The following SYNE2 variants were observed in gnomAD, a reference collection of about 807,000 sequenced individuals.
SYNE2 encodes the protein spectrin repeat containing nuclear envelope protein 2.
Under a neutral mutation model 856.3 loss-of-function variants are expected in SYNE2, and 431 were observed. The ratio of observed to expected loss-of-function variants is 0.50; its 90% CI spans 0.47 to 0.55. The LOEUF (loss-of-function observed/expected upper bound fraction) is 0.55. Ranked by LOEUF, SYNE2 falls within the 20% of genes least tolerant of loss-of-function variation. The pLI is 0.00. For synonymous variants in SYNE2, 2,923 were observed against 2,872.3 expected (o/e 1.02, Z -0.56); for missense variants, 8,129 against 8,023.2 (o/e 1.01, Z -0.50).
rs753694030 is a variant in SYNE2, at chr14:64,167,258, A to C, written c.16631A>C (p.Gln5544Pro). The change falls in exon 91 of 116, where the codon CAA becomes CCA. Residue 5544 changes from glutamine to proline, a missense_variant. Physicochemically the swap from Gln to Pro is moderately conservative, Grantham distance 76. Coordinates refer to ENST00000555002, the MANE Select transcript of SYNE2 (RefSeq NM_182914.3). The part of the protein sequence containing the change: ...FLNHVLALTA[Q>P]SPDIEHLNEV... Reference sequence around the variant, plus strand: ...AATCATGTGCTGGCACTGACAGCCCAATCACCTGATATTGAACATTTGAAT... The same window carrying C: ...AATCATGTGCTGGCACTGACAGCCCCATCACCTGATATTGAACATTTGAAT... The C allele has an allele frequency of 1.2e-5, 19 of 1,614,120 alleles. No individual in the cohort carries two copies. The highest frequency in any genetic ancestry group is 1.4e-5 in the Non-Finnish European group (17 of 1,180,050).
intron 11 of SYNE2, among the ~76,000 whole-genome samples, chr14:63,973,818 C>A (rs2096503245): frequency 6.6e-6 from 1 of 152,110 alleles, no homozygotes. Flanking sequence ...TTTTGTATAC[C>A]TGGGTACTTG....
At chr14:63,891,949 C>T (rs2095142249) in intron 1 of SYNE2, among the ~76,000 whole-genome samples, 2 of 152,112 alleles carry the variant, frequency 1.3e-5, no homozygotes, top group East Asian at 3.9e-4. Flanking sequence ...TGAAAGCATC[C>T]CTGCAGCTGC....
intron 2 of SYNE2, among the ~76,000 whole-genome samples, chr14:63,923,433 A>G (rs779506452): frequency 1.3e-5 from 2 of 152,264 alleles, no homozygotes; most frequent in Non-Finnish European, 2.9e-5. Context: ...CAACAAACTA[A>G]GTACTTAAAT....
At chr14:64,086,193 G>A (rs10145173) in intron 57 of SYNE2, among the ~76,000 whole-genome samples, 15,941 of 152,214 alleles carry the variant, frequency 0.1, 982 homozygotes, top group African/African-American at 0.17. Context: ...TGCATAAGGT[G>A]TGATTGAAGG....
In SYNE2 at chr14:63,853,078, C is replaced by T. The variant is rs917118389; in HGVS notation, c.-117C>T. The T allele has an allele frequency of 2.0e-5, 3 of 151,794 alleles. No homozygotes were observed. Among genetic ancestry groups the T allele is most frequent in the Admixed American group, 6.6e-5 (1 of 15,224 alleles). 9.4% of individuals were successfully genotyped at this position (151,794 alleles called of 1,614,324 possible). A position where few individuals can be genotyped will look rare whatever the true frequency, so the allele number is the denominator to read the frequency against. Reference sequence around the variant, plus strand: ...GAGCAAAAGGCGCGATCCAGAGAGCCAGGCAAGCGGGGCGCCGACCTCGGG... The same window carrying T: ...GAGCAAAAGGCGCGATCCAGAGAGCTAGGCAAGCGGGGCGCCGACCTCGGG... On this transcript the variant is annotated 5_prime_UTR_variant, in exon 1 of 116. Transcript: ENST00000555002.
intron 94 of SYNE2, among the ~76,000 whole-genome samples, chr14:64,171,024 G>A (rs2098408033): frequency 6.6e-6 from 1 of 152,168 alleles, no homozygotes; most frequent in Admixed American, 6.5e-5. Context: ...CGTTCTCCAT[G>A]ATGTGCTTAT....
chr14:64,089,657 A>T lies in SYNE2; in HGVS notation c.11754A>T (p.Ile3918=). 1 of 1,599,732 alleles carries T rather than the reference A, an allele frequency of 6.3e-7. No homozygotes were observed. The highest frequency in any genetic ancestry group is 1.1e-5 in the South Asian group (1 of 90,714). The change falls in exon 59 of 116, where the codon ATA becomes ATT. Residue 3918 remains isoleucine, a synonymous_variant. Transcript: ENST00000555002. ...AAACTATCCTATTATCAAAAGAAAT[A>T]TTTGATTTTTCACCTGAAGAACATC... is the stretch of plus-strand genomic sequence containing the variant. ...KIKTILLSKE[I]FDFSPEEHLK...
intron 1 of SYNE2, among the ~76,000 whole-genome samples, chr14:63,901,702 T>C (rs1434979729): frequency 6.6e-6 from 1 of 152,214 alleles, no homozygotes; most frequent in Non-Finnish European, 1.5e-5. Context: ...GGCAGGAGGA[T>C]GGCTTCAGTT....
At chr14:63,849,684 A>G (rs1469396872), upstream of SYNE2, among the ~76,000 whole-genome samples, 1 of 152,200 alleles carries the variant, frequency 6.6e-6, no homozygotes, top group African/African-American at 2.4e-5. Flanking sequence ...GGGATGCAGA[A>G]ATATAAATAG....
intron 103 of SYNE2, 24 bp downstream of exon 103, chr14:64,210,148 G>C (rs200351599): frequency 6.2e-7 from 1 of 1,610,878 alleles, no homozygotes; most frequent in South Asian, 1.1e-5. Flanking sequence ...CACCTGGCTC[G>C]GGTGTAGATT....
intron 96 of SYNE2, among the ~76,000 whole-genome samples, chr14:64,183,407 G>A (rs1420837093): frequency 2.0e-5 from 3 of 151,984 alleles, no homozygotes; most frequent in Non-Finnish European, 2.9e-5. Flanking sequence ...TGGCAGCCAG[G>A]AAGAGGCGCT....
intron 1 of SYNE2, among the ~76,000 whole-genome samples, chr14:63,841,872 G>A (rs1466468067): frequency 5.2e-5 from 6 of 114,682 alleles, no homozygotes; most frequent in South Asian, 5.4e-4. Flanking sequence ...TCATTCTGTC[G>A]CCCAGGCTGG....
In SYNE2 at chr14:63,990,461, A is replaced by G; in HGVS notation, c.2364A>G (p.Glu788=). The part of the protein sequence containing the change: ...SMFDELMARS[E]DMLQMDIQNI... ...TTGATGAGCTTATGGCAAGAAGTGA[A>G]GATATGTTACAAATGGATATACAAA... Residue 788 remains glutamate (E), a synonymous_variant, in exon 20 of 116, where the codon GAA becomes GAG. Transcript: ENST00000555002. 6.2e-7 allele frequency: 1 copy of G among 1,613,728 alleles called. No homozygotes were observed.
chr14:64,053,602 T>G lies in SYNE2; in HGVS notation c.9689T>G (p.Leu3230Arg). 1 of 1,613,322 alleles carries G rather than the reference T, an allele frequency of 6.2e-7. No homozygotes were observed. The highest frequency in any genetic ancestry group is 1.1e-5 in the South Asian group (1 of 90,682). Residue 3230 changes from leucine to arginine, a missense_variant, in exon 48 of 116, where the codon CTA (leucine) becomes CGA (arginine). This residue lies in a region of SYNE2 where 5,410 missense variants were observed against 5,284.8 expected (regional missense o/e 1.02). Transcript: ENST00000555002. ...GAAGCGAGTGATGTGGAGACAAAAC[T>G]ACGTGAGTTTGAAGATCTTCAGATG... is the stretch of plus-strand genomic sequence containing the variant. ...SSEASDVETK[L>R]REFEDLQMQL...
chr14:63,864,158 G>A (rs554315248), intron 1 of SYNE2, among the ~76,000 whole-genome samples: 25 of 152,262 alleles, frequency 1.6e-4, no homozygotes, highest in Admixed American at 1.2e-3. Flanking sequence ...AAAGAAAATA[G>A]GTTACTAAGC....
chr14:63,810,560 A>G (rs1888577009), intron 1 of SYNE2, among the ~76,000 whole-genome samples: 1 of 152,148 alleles, frequency 6.6e-6, no homozygotes, highest in Non-Finnish European at 1.5e-5. Flanking sequence ...ACTAATGAAG[A>G]AACTGATGGG....
chr14:64,178,589 GC>G (rs2098444869), intron 96 of SYNE2, among the ~76,000 whole-genome samples: 1 of 151,956 alleles, frequency 6.6e-6, no homozygotes, highest in African/African-American at 2.4e-5. Flanking sequence ...CCCCCGAGTA[GC>G]CCAGAGTACA....
intron 16 of SYNE2, 93 bp from the exon 17 acceptor site, chr14:63,982,537 A>G: frequency 1.4e-6 from 1 of 691,578 alleles, no homozygotes; most frequent in East Asian, 5.1e-5. Flanking sequence ...AAAAAAAAAA[A>G]GAAAAGAAAA....
chr14:64,004,434 G>A (rs183074214), intron 30 of SYNE2, among the ~76,000 whole-genome samples: 64 of 151,224 alleles, frequency 4.2e-4, no homozygotes, highest in African/African-American at 1.3e-3. Flanking sequence ...AGGTTTAGGC[G>A]ATTCTTCTAC....
Sources: gnomAD v4.1 joint callset for allele counts (sites outside exome capture counted in the v4.1 genomes callset) on GRCh38, gnomAD v4.1.1 for gene constraint, gnomAD v4.1.1 regional missense constraint, MANE v1.5 for transcripts, NCBI Gene and HGNC (gene_info 2026-07-23, HGNC 2026-07-21) for gene names.